MBNL3: variants seen among roughly 807,000 people sequenced by gnomAD.
The protein encoded by MBNL3 is muscleblind-like protein 3.
A neutral mutation model predicts 24.5 loss-of-function variants in MBNL3; 6 were observed. The observed-to-expected ratio is 0.25, with a 90% confidence interval of 0.13 to 0.48. MBNL3 has a LOEUF of 0.48. Ranked by LOEUF, MBNL3 falls within the 20% of genes least tolerant of loss-of-function variation. The pLI, the probability that MBNL3 is intolerant of heterozygous loss-of-function variation, is 0.99. For missense variants in MBNL3, 230 were observed against 293.5 expected (o/e 0.78, Z 1.58); for synonymous variants, 100 against 101.7 (o/e 0.98, Z 0.10).
At chrX:132,411,300 G>A (rs1942698028) in intron 2 of MBNL3, 2 of 751,901 alleles carry the variant, frequency 2.7e-6, no homozygotes, top group African/African-American at 4.7e-5. Context: ...GAGAAGCTGG[G>A]GTGAGAGCAG....
chrX:132,441,113 C>T (rs1411243905), intron 1 of MBNL3, among the ~76,000 whole-genome samples: 1 of 112,296 alleles, frequency 8.9e-6, no homozygotes, highest in Admixed American at 9.4e-5. Context: ...CTTATCTACT[C>T]AAGAGCAAAA....
rs1482502582 is a variant in MBNL3 at position 132,373,501 on chromosome X, G to A, written c.*6165C>T. The A allele has an allele frequency of 2.7e-5, 3 of 111,592 alleles. No homozygotes were observed. Among genetic ancestry groups the A allele is most frequent in the African/African-American group, 9.8e-5 (3 of 30,739 alleles). The allele number at this position is 111,592 out of a possible 1,213,427, so 9.2% of individuals were successfully genotyped here. On this transcript the variant is annotated 3_prime_UTR_variant, in exon 9 of 9. Coordinates refer to ENST00000370853, the MANE Select transcript of MBNL3 (RefSeq NM_001386889.1). ...AAGAAAATTCTAGCCAACTGGCCCTGAGGTATTGGACAACTGTAAGGCTTG... is the reference window on the plus strand; with the variant it reads ...AAGAAAATTCTAGCCAACTGGCCCTAAGGTATTGGACAACTGTAAGGCTTG...
intron 1 of MBNL3, among the ~76,000 whole-genome samples, chrX:132,481,815 G>C (rs1371570380): frequency 9.0e-6 from 1 of 111,128 alleles, no homozygotes; most frequent in Non-Finnish European, 1.9e-5. Context: ...ATTCTGCCCT[G>C]GTATTGTTGC....
At chrX:132,386,923 T>C in intron 5 of MBNL3, 112 bp from the exon 6 acceptor site, 1 of 853,501 alleles carries the variant, frequency 1.2e-6, no homozygotes, top group Non-Finnish European at 1.7e-6. Flanking sequence ...GGGTATGCAT[T>C]GGGCAAGACA....
intron 3 of MBNL3, among the ~76,000 whole-genome samples, chrX:132,397,435 A>G (rs1320010269): frequency 9.0e-6 from 1 of 111,541 alleles, no homozygotes; most frequent in Admixed American, 9.6e-5. Flanking sequence ...AATTACAATT[A>G]TTGTTGGATG....
chrX:132,439,770 T>A lies in MBNL3; in HGVS notation c.-159A>T. 2.5e-6 allele frequency: 2 copies of A among 787,282 alleles called. No homozygotes were observed. The highest frequency in any genetic ancestry group is 4.3e-5 in the African/African-American group (2 of 46,454). 64.9% of individuals were successfully genotyped at this position (787,282 alleles called of 1,213,427 possible). A position where few individuals can be genotyped will look rare whatever the true frequency, so the allele number is the denominator to read the frequency against. On this transcript the variant is annotated 5_prime_UTR_variant, in exon 2 of 9. Transcript: ENST00000370853. ...CACTTAGGTTTTCATTAAAGTCAAA[T>A]CTGGTCTAGTCAAACAAAAAGCCAA...
At position 132,453,814 on chromosome X, in the gene MBNL3, G is replaced by A. The variant is rs145420206; in HGVS notation, c.-703-13500C>T. On this transcript the variant is annotated intron_variant, in intron 1 of 8. Transcript: ENST00000370853. ...GTGGTCTGAAAGTGTTCATGTGGAC[G>A]GGCATGGTGGCTCACACCTGTCATC... Among the ~76,000 whole-genome samples, 621 of 111,402 alleles carry A rather than the reference G, an allele frequency of 5.6e-3. 6 individuals are homozygous for A. The highest frequency in any genetic ancestry group is 0.019 in the African/African-American group (584 of 30,642).
intron 7 of MBNL3, among the ~76,000 whole-genome samples, chrX:132,383,896 T>C (rs376814082): frequency 8.9e-6 from 1 of 111,762 alleles, no homozygotes; most frequent in African/African-American, 3.2e-5. Context: ...TCATTTCTCC[T>C]TGCATAGAAC....
intron 8 of MBNL3, among the ~76,000 whole-genome samples, chrX:132,380,176 T>C (rs954911031): frequency 8.9e-6 from 1 of 112,193 alleles, no homozygotes; most frequent in African/African-American, 3.2e-5. Flanking sequence ...CTATTACATA[T>C]TGAAGTGATT....
chrX:132,437,418 A>G (rs1230596518), intron 2 of MBNL3, among the ~76,000 whole-genome samples: 5 of 112,340 alleles, frequency 4.5e-5, no homozygotes, highest in Admixed American at 9.5e-5. Flanking sequence ...ACAAACATTT[A>G]GTTGATAGGA....
chrX:132,420,769 C>G (rs1943738639), intron 2 of MBNL3, among the ~76,000 whole-genome samples: 1 of 110,683 alleles, frequency 9.0e-6, no homozygotes, highest in African/African-American at 3.3e-5. Context: ...CCAGTGCACT[C>G]CAGCCTGGAC....
chrX:132,454,034 G>A (rs1388512034), intron 1 of MBNL3, among the ~76,000 whole-genome samples: 1 of 112,199 alleles, frequency 8.9e-6, no homozygotes, highest in Non-Finnish European at 1.9e-5. Flanking sequence ...AGAGGTTGCA[G>A]TGAATGGAGA....
Position 132,386,317 on chromosome X carries a change from C to CT in MBNL3, c.922+343dup, listed in dbSNP as rs202096957. 9.0e-3 allele frequency among the ~76,000 whole-genome samples: 1,000 copies of CT among 111,337 alleles called. 12 individuals are homozygous for CT. Among genetic ancestry groups the CT allele is most frequent in the African/African-American group, 0.031 (959 of 30,663 alleles). ...TAATATCGAAGCTGGGAGTTTTTGC[C>CT]TTTTTATTTGACAGCACTCTACTGT... On this transcript the variant is annotated intron_variant, in intron 6 of 8. Coordinates refer to ENST00000370853, the MANE Select transcript of MBNL3 (RefSeq NM_001386889.1).
intron 3 of MBNL3, among the ~76,000 whole-genome samples, chrX:132,403,069 G>T (rs1422943921): frequency 9.0e-6 from 1 of 111,598 alleles, no homozygotes; most frequent in Non-Finnish European, 1.9e-5. Context: ...ATTGGGTAGG[G>T]GTGATTAAAA....
chrX:132,452,716 T>C (rs1946174530), intron 1 of MBNL3, among the ~76,000 whole-genome samples: 1 of 113,188 alleles, frequency 8.8e-6, no homozygotes, highest in East Asian at 2.8e-4. Context: ...AAACATGTTT[T>C]GTATACCAAC....
At chrX:132,442,391 A>C (rs1364966874) in intron 1 of MBNL3, among the ~76,000 whole-genome samples, 1 of 112,263 alleles carries the variant, frequency 8.9e-6, no homozygotes, top group African/African-American at 3.2e-5. Context: ...GATTTTTCTC[A>C]GTAGTGTTAC....
At chrX:132,485,055 G>T (rs1947931167) in intron 1 of MBNL3, among the ~76,000 whole-genome samples, 1 of 111,158 alleles carries the variant, frequency 9.0e-6, no homozygotes, top group Admixed American at 9.6e-5. Context: ...ACTGCCTGGA[G>T]TTGAACATTC....
intron 2 of MBNL3, among the ~76,000 whole-genome samples, chrX:132,412,363 T>C (rs754990209): frequency 9.0e-6 from 1 of 111,528 alleles, no homozygotes; most frequent in East Asian, 2.8e-4. Flanking sequence ...AGAAAAAAAC[T>C]GCGTTCTCCA....
At chrX:132,415,559 C>T (rs1943214127) in intron 2 of MBNL3, among the ~76,000 whole-genome samples, 2 of 111,633 alleles carry the variant, frequency 1.8e-5, no homozygotes, top group South Asian at 7.5e-4. Context: ...TTGAAATTAG[C>T]GGTACAAAGA....
Sources: gnomAD v4.1 joint callset for allele counts (sites outside exome capture counted in the v4.1 genomes callset) on GRCh38, gnomAD v4.1.1 for gene constraint, MANE v1.5 for transcripts, NCBI Gene and HGNC (gene_info 2026-07-23, HGNC 2026-07-21) for gene names.